ABCG5: variants seen among roughly 807,000 people sequenced by gnomAD.
ABCG5 encodes ATP binding cassette subfamily G member 5, also known as ATP-binding cassette sub-family G member 5.
Under a neutral mutation model 64.5 loss-of-function variants are expected in ABCG5, and 64 were observed. That is an observed-to-expected ratio of 0.99 (90% CI 0.81 to 1.22). The LOEUF (loss-of-function observed/expected upper bound fraction) is 1.22. Ranked by LOEUF, ABCG5 falls within the 50% of genes most tolerant of loss-of-function variation. The pLI is 0.00. For synonymous variants in ABCG5, 385 were observed against 326.3 expected, an observed-to-expected ratio of 1.18 and a Z score of -1.94; for missense variants, 908 against 829.5, an observed-to-expected ratio of 1.09 and a Z score of -1.16.
At chr2:43,814,721 C>T (rs1666706397) in intron 11 of ABCG5, 132 bp from the exon 12 acceptor site, 1 of 599,156 alleles carries the variant, frequency 1.7e-6, no homozygotes, top group Non-Finnish European at 2.9e-6. Flanking sequence ...AAATGATGCT[C>T]ACTATAAAAA....
the ABCG5 span, among the ~76,000 whole-genome samples, chr2:43,807,463 T>C: frequency 6.6e-6 from 1 of 152,114 alleles, no homozygotes; most frequent in East Asian, 1.9e-4. Context: ...TCTTTGATAC[T>C]GTGTCTTGCT....
rs374684440 is a variant in ABCG5 at position 43,820,715 on chromosome 2, G to A, written c.1464-615C>T. ...GTTGATCAGACTGGAGTGCAGTGGC[G>A]TGATCTTGGCTCATTGCAACCTCTG... On this transcript the variant is annotated intron_variant, in intron 10 of 12. Coordinates refer to ENST00000405322, the MANE Select transcript of ABCG5 (RefSeq NM_022436.3). 2.9e-4 allele frequency among the ~76,000 whole-genome samples: 44 copies of A among 152,234 alleles called. No homozygotes were observed. In the East Asian group the frequency reaches 4.2e-3, roughly 15 times the overall value.
At position 43,838,733 on chromosome 2, in the gene ABCG5, A is replaced by C; in HGVS notation, c.-54T>G. On this transcript the variant is annotated 5_prime_UTR_variant, in exon 1 of 13. Transcript: ENST00000405322. The surrounding 1 kb of genome is among the most constrained non-coding windows in gnomAD (Gnocchi z 4.2). ...TTTCTGGTGGCCGGACCCTCCCCAGAGTGGCTTCAGTTGGGGAGCCCGTGG... is the reference window on the plus strand; with the variant it reads ...TTTCTGGTGGCCGGACCCTCCCCAGCGTGGCTTCAGTTGGGGAGCCCGTGG... 1.3e-6 allele frequency: 2 copies of C among 1,598,646 alleles called. No individual in the cohort carries two copies. Among genetic ancestry groups the C allele is most frequent in the Non-Finnish European group, 8.5e-7 (1 of 1,173,408 alleles).
Position 43,819,945 on chromosome 2 carries a change from G to T in ABCG5, c.1619C>A (p.Ala540Glu), listed in dbSNP as rs761816968. 2 of 1,613,930 alleles carry T rather than the reference G, an allele frequency of 1.2e-6. No homozygotes were observed. The highest frequency in any genetic ancestry group is 1.1e-5 in the South Asian group (1 of 91,070). The stretch of plus-strand genomic sequence containing the variant: ...GAATCCAGATCCAACAAGCACCCCC[G>T]CAATGGACAGCAGAGCCACTACACT... ...VNSVVALLSI[A>E]GVLVGSGFLR... The change falls in exon 11 of 13, where the codon GCG becomes GAG. Residue 540 changes from alanine (A) to glutamate (E), a missense_variant. Ala to Glu is a moderately radical substitution (Grantham distance 107). Coordinates refer to ENST00000405322, the MANE Select transcript of ABCG5 (RefSeq NM_022436.3).
At chr2:43,824,504 T>C in intron 7 of ABCG5, 72 bp from the exon 8 acceptor site, 1 of 1,600,244 alleles carries the variant, frequency 6.2e-7, no homozygotes, top group South Asian at 1.1e-5. Context: ...ATACAATTGG[T>C]ACAGGAGTAC....
chr2:43,825,016 G>A lies in ABCG5; in HGVS notation c.777C>T (p.Leu259=). Residue 259 remains leucine (L), a splice_region_variant and synonymous_variant, in exon 7 of 13, where the codon CTC becomes CTT. Coordinates refer to ENST00000405322, the MANE Select transcript of ABCG5 (RefSeq NM_022436.3). The part of the protein sequence containing the change: ...IHQPRSELFQ[L]FDKIAILSFG... ...AGCTCAGGATGGCAATTTTGTCAAAGAGCTGACCAGACAACAGACGTAGTT... is the reference window on the plus strand; with the variant it reads ...AGCTCAGGATGGCAATTTTGTCAAAAAGCTGACCAGACAACAGACGTAGTT... 2 of 1,613,668 alleles carry A rather than the reference G, an allele frequency of 1.2e-6. No individual in the cohort carries two copies. The highest frequency in any genetic ancestry group is 1.7e-6 in the Non-Finnish European group (2 of 1,179,790).
At chr2:43,831,221 G>A (rs1444327775) in intron 4 of ABCG5, among the ~76,000 whole-genome samples, 2 of 152,182 alleles carry the variant, frequency 1.3e-5, no homozygotes, top group African/African-American at 4.8e-5. Context: ...CCTTCAGGCT[G>A]GAGTGCAATG....
intron 4 of ABCG5, among the ~76,000 whole-genome samples, chr2:43,829,252 T>G (rs1334553397): frequency 6.6e-6 from 1 of 152,234 alleles, no homozygotes; most frequent in East Asian, 1.9e-4. Context: ...TGTTTCCCAC[T>G]GTATAACCCA....
intron 6 of ABCG5, 146 bp downstream of exon 6, chr2:43,826,236 G>A (rs1667594002): frequency 8.9e-7 from 1 of 1,118,828 alleles, no homozygotes; most frequent in Non-Finnish European, 1.3e-6. Flanking sequence ...CTGGCCTCAA[G>A]TGCTCCTCCT....
In ABCG5 at chr2:43,831,796, G is replaced by C; in HGVS notation, c.474C>G (p.Arg158=). 1 of 1,588,134 alleles carries C rather than the reference G, an allele frequency of 6.3e-7. No homozygotes were observed. Residue 158 remains arginine, a synonymous_variant, in exon 4 of 13, where the codon CGC becomes CGG. Coordinates refer to ENST00000405322, the MANE Select transcript of ABCG5 (RefSeq NM_022436.3). ...TCTTCTGGAAGGAGCCGGGATTGCC[G>C]CGGCGGATGGCCAGCAGCGCGGTGT... ...LHYTALLAIR[R]GNPGSFQKKV...
chr2:43,822,652 G>A (rs914804435), intron 10 of ABCG5, 145 bp downstream of exon 10: 19 of 1,540,278 alleles, frequency 1.2e-5, no homozygotes, highest in Non-Finnish European at 1.7e-5. Context: ...TGTCCTGGAA[G>A]ATACGACATT....
upstream of ABCG5, chr2:43,839,021 G>A (rs949812412): frequency 6.7e-5 from 104 of 1,549,172 alleles, no homozygotes; most frequent in Non-Finnish European, 9.0e-5. Flanking sequence ...GTCTAAGAGA[G>A]CTGCAGCCCA....
At chr2:43,832,377 T>C (rs1668004272) in intron 2 of ABCG5, 1 of 547,488 alleles carries the variant, frequency 1.8e-6, no homozygotes, top group Non-Finnish European at 3.3e-6. Context: ...TGTTTATTTG[T>C]CTTTAAAACT....
chr2:43,819,551 C>A (rs1340277255), intron 11 of ABCG5, among the ~76,000 whole-genome samples: 1 of 151,654 alleles, frequency 6.6e-6, no homozygotes, highest in Non-Finnish European at 1.5e-5. Flanking sequence ...AGTTCACACT[C>A]AACAGTACCA....
intron 7 of ABCG5, 27 bp downstream of exon 7, chr2:43,824,862 G>T: frequency 6.2e-7 from 1 of 1,612,776 alleles, no homozygotes; most frequent in South Asian, 1.1e-5. Flanking sequence ...AAACATTCAT[G>T]ATGGGGAATG....
intron 4 of ABCG5, among the ~76,000 whole-genome samples, chr2:43,828,763 C>T (rs1296161886): frequency 6.6e-6 from 1 of 151,954 alleles, no homozygotes; most frequent in Non-Finnish European, 1.5e-5. Flanking sequence ...GTCAGGAGTT[C>T]GAGACTAGCC....
Position 43,838,815 on chromosome 2 carries a change from G to C in ABCG5, c.-136C>G. 6.6e-7 allele frequency: 1 copy of C among 1,504,056 alleles called. No individual in the cohort carries two copies. The highest frequency in any genetic ancestry group is 1.4e-5 in the African/African-American group (1 of 72,202). 93.2% of individuals were successfully genotyped at this position (1,504,056 alleles called of 1,614,324 possible). On this transcript the variant is annotated 5_prime_UTR_variant, in exon 1 of 13. Transcript: ENST00000405322. This position sits in a 1 kb window ranked among gnomAD's most constrained non-coding sequence, Gnocchi z 4.2. ...GAGTCCCTTGGGACAGCAGGACTGG[G>C]ACTTGGCCACGGAGACCATTATCTG...
chr2:43,823,474 G>A (rs1246079563), intron 9 of ABCG5, among the ~76,000 whole-genome samples: 2 of 152,094 alleles, frequency 1.3e-5, no homozygotes, highest in African/African-American at 2.4e-5. Flanking sequence ...TTCCTGCAAC[G>A]TTAGGCAACC....
At chr2:43,817,528 C>T (rs997377343) in intron 11 of ABCG5, among the ~76,000 whole-genome samples, 17 of 151,934 alleles carry the variant, frequency 1.1e-4, no homozygotes, top group African/African-American at 3.9e-4. Flanking sequence ...CAACTAACCT[C>T]CTTTTCCTAA....
Sources: allele counts gnomAD v4.1 joint callset (sites outside exome capture counted in the v4.1 genomes callset), GRCh38; gene constraint gnomAD v4.1.1; non-coding constraint Gnocchi (gnomAD v3.1); transcripts MANE v1.5; gene names NCBI Gene and HGNC (gene_info 2026-07-23, HGNC 2026-07-21).